MGAT5B: variants seen among roughly 807,000 people sequenced by gnomAD.
The protein encoded by MGAT5B is N-acetylglucosaminyl-transferase Vb.
Under a neutral mutation model 95.1 loss-of-function variants are expected in MGAT5B, and 54 were observed. The observed-to-expected ratio is 0.57, with a 90% CI of 0.46 to 0.71. MGAT5B has a LOEUF of 0.71. Among genes scored for constraint, MGAT5B ranks in the 30% least tolerant of loss-of-function variants. The pLI, the probability that MGAT5B is intolerant of heterozygous loss-of-function variation, is 0.00. For synonymous variants in MGAT5B, 464 were observed against 451.0 expected (o/e 1.03, Z -0.36); for missense variants, 935 against 1,088.6 (o/e 0.86, Z 1.99).
intron 2 of MGAT5B, among the ~76,000 whole-genome samples, chr17:76,878,429 C>T (rs540245620): frequency 2.0e-4 from 30 of 152,242 alleles, no homozygotes; most frequent in South Asian, 8.3e-4. Flanking sequence ...GCATGGTCAT[C>T]GTGAAACCCA....
chr17:76,932,530 G>A (rs941333992), intron 10 of MGAT5B, 115 bp from the exon 11 acceptor site: 7 of 1,216,328 alleles, frequency 5.8e-6, no homozygotes, highest in African/African-American at 4.6e-5. Flanking sequence ...CCTGTGCCCC[G>A]CCCCCTTTCC....
At chr17:76,902,735 G>C in intron 4 of MGAT5B, 65 bp downstream of exon 4, 2 of 821,400 alleles carry the variant, frequency 2.4e-6, no homozygotes, top group Non-Finnish European at 3.9e-6. Context: ...TGCTGGGTGG[G>C]CCCTGGGAGG....
chr17:76,933,366 G>C, intron 12 of MGAT5B, 69 bp downstream of exon 12: 3 of 1,581,604 alleles, frequency 1.9e-6, no homozygotes, highest in Non-Finnish European at 2.6e-6. Context: ...AGCCACTCCA[G>C]GGGTCTCTCC....
chr17:76,913,185 C>T (rs984749615), intron 8 of MGAT5B, among the ~76,000 whole-genome samples: 6 of 152,186 alleles, frequency 3.9e-5, no homozygotes, highest in Admixed American at 2.6e-4. Flanking sequence ...GGGCCAGGTG[C>T]CCAAAGGAAA....
Position 76,904,405 on chromosome 17 carries a change from C to T in MGAT5B, c.673C>T (p.Pro225Ser), listed in dbSNP as rs1276030428. ...GACGGCTGCCCAGAGGGCACCCAAG[C>T]CCCTCCCCAAAGTCCAGGTGGGCCT... Reference protein sequence around the residue: ...NQTAAQRAPKPLPKVQAVFRS... With the variant: ...NQTAAQRAPKSLPKVQAVFRS... Residue 225 changes from proline (P) to serine (S), a missense_variant, in exon 6 of 18, where the codon CCC (proline) becomes TCC (serine). Physicochemically the swap from Pro to Ser is moderately conservative, Grantham distance 74. Coordinates refer to ENST00000569840, the MANE Select transcript of MGAT5B (RefSeq NM_001199172.2). The T allele has an allele frequency of 3.2e-6, 5 of 1,560,760 alleles. No individual in the cohort carries two copies. Among genetic ancestry groups the T allele is most frequent in the Non-Finnish European group, 4.3e-6 (5 of 1,152,710 alleles).
chr17:76,921,095 C>T (rs1969110801), intron 8 of MGAT5B, among the ~76,000 whole-genome samples: 1 of 152,116 alleles, frequency 6.6e-6, no homozygotes, highest in African/African-American at 2.4e-5. Context: ...GTAAGGCTTC[C>T]TGGAGGAGGA....
chr17:76,898,266 A>G (rs1337744404), intron 3 of MGAT5B, among the ~76,000 whole-genome samples: 2 of 152,036 alleles, frequency 1.3e-5, no homozygotes, highest in South Asian at 2.1e-4. Flanking sequence ...CCTGACTTCT[A>G]TCAGCATTAC....
rs1211012444 is a variant in MGAT5B, at chr17:76,948,825, A to C, written c.2366A>C (p.Gln789Pro). The C allele has an allele frequency of 6.3e-7, 1 of 1,599,952 alleles. No individual in the cohort carries two copies. Among genetic ancestry groups the C allele is most frequent in the African/African-American group, 1.3e-5 (1 of 74,700 alleles). ...CGCAAGGGCCAGGTGGCCTTGTGCC[A>C]GGGCTGTCTGTGAATCCGCCTCTGC... ...DFRKGQVALC[Q>P]GCL Residue 789 changes from glutamine (Q) to proline (P), a missense_variant, in exon 18 of 18, where the codon CAG (glutamine) becomes CCG (proline). This residue lies in a region of MGAT5B where 440 missense variants were observed against 523.6 expected (regional missense o/e 0.84). Coordinates refer to ENST00000569840, the MANE Select transcript of MGAT5B (RefSeq NM_001199172.2).
At position 76,940,423 on chromosome 17, in the gene MGAT5B, C is replaced by A; in HGVS notation, c.1606C>A (p.Pro536Thr). The A allele has an allele frequency of 6.2e-7, 1 of 1,610,742 alleles. No individual in the cohort carries two copies. The highest frequency in any genetic ancestry group is 8.5e-7 in the Non-Finnish European group (1 of 1,178,082). ...KAKLFIGFGF[P>T]YEGPAPLEAI... ...GCAGCTCTTCATCGGGTTTGGCTTC[C>A]CCTACGAGGGCCCCGCCCCCCTGGA... The change falls in exon 14 of 18, where the codon CCC becomes ACC. Residue 536 changes from proline (P) to threonine (T), a missense_variant. By Grantham distance (38) the Pro-to-Thr change is conservative. Transcript: ENST00000569840. This position sits in a 1 kb window ranked among gnomAD's most constrained non-coding sequence, Gnocchi z 4.3.
chr17:76,876,307 C>T (rs1308043396), intron 2 of MGAT5B, among the ~76,000 whole-genome samples: 2 of 152,050 alleles, frequency 1.3e-5, no homozygotes, highest in Non-Finnish European at 1.5e-5. Flanking sequence ...AATTGCTTGG[C>T]TGAATCAGGC....
rs1250493593 is a variant in MGAT5B, at chr17:76,904,249, C to T, written c.520-3C>T. The T allele has an allele frequency of 2.5e-6, 4 of 1,604,586 alleles. No individual in the cohort carries two copies. Among genetic ancestry groups the T allele is most frequent in the Non-Finnish European group, 3.4e-6 (4 of 1,176,650 alleles). On this transcript the variant is annotated splice_polypyrimidine_tract_variant and splice_region_variant and intron_variant, in intron 5 of 17. Transcript: ENST00000569840. ...CCCCTGCCCAGCCTGGCCCTCTCTG[C>T]AGTGGATGCGTGCCCGCTGGACCTC...
intron 3 of MGAT5B, 119 bp downstream of exon 3, chr17:76,882,417 G>T: frequency 7.9e-7 from 1 of 1,272,164 alleles, no homozygotes; most frequent in Non-Finnish European, 1.1e-6. Flanking sequence ...ACCACACTGT[G>T]GTACAGCCCA....
rs1248095737 is a variant in MGAT5B, at chr17:76,905,107, C to A, written c.691-62C>A. On this transcript the variant is annotated intron_variant, in intron 6 of 17. Coordinates refer to ENST00000569840, the MANE Select transcript of MGAT5B (RefSeq NM_001199172.2). The surrounding 1 kb of genome is among the most constrained non-coding windows in gnomAD (Gnocchi z 4.2). ...AGGGTGCCAGCCCCTGTCCCCAGGC[C>A]AGCGGGGAATGATGGTGGCCGCAGG... is the stretch of plus-strand genomic sequence containing the variant. 1 of 1,520,152 alleles carries A rather than the reference C, an allele frequency of 6.6e-7. No individual in the cohort carries two copies. The highest frequency in any genetic ancestry group is 8.9e-7 in the Non-Finnish European group (1 of 1,119,528). 94.2% of individuals were successfully genotyped at this position (1,520,152 alleles called of 1,614,324 possible). A position where few individuals can be genotyped will look rare whatever the true frequency, so the allele number is the denominator to read the frequency against.
chr17:76,948,927 GTCC>G lies in MGAT5B; in HGVS notation c.*95_*97del. 1 of 1,384,878 alleles carries G rather than the reference GTCC, an allele frequency of 7.2e-7. No homozygotes were observed. Among genetic ancestry groups the G allele is most frequent in the Non-Finnish European group, 9.7e-7 (1 of 1,030,004 alleles). 85.8% of individuals were successfully genotyped at this position (1,384,878 alleles called of 1,614,324 possible). A position where few individuals can be genotyped will look rare whatever the true frequency, so the allele number is the denominator to read the frequency against. On this transcript the variant is annotated 3_prime_UTR_variant, in exon 18 of 18. Transcript: ENST00000569840. ...AGCAGGTTCTGAGCCCTGGCTGCTT[GTCC>G]TCCTCGCAACCCCCCCAGGCCGGAG...
At chr17:76,913,056 G>C (rs919848265) in intron 8 of MGAT5B, among the ~76,000 whole-genome samples, 13 of 152,250 alleles carry the variant, frequency 8.5e-5, no homozygotes, top group African/African-American at 3.1e-4. Context: ...TAGAAAATTA[G>C]TTGACTTAAC....
intron 11 of MGAT5B, 62 bp from the exon 12 acceptor site, chr17:76,933,230 G>A (rs1296531361): frequency 3.8e-6 from 6 of 1,596,324 alleles, no homozygotes; most frequent in African/African-American, 2.7e-5. Flanking sequence ...TGTTGTCTGC[G>A]AATCATCACT....
At chr17:76,893,911 A>G (rs921159309) in intron 3 of MGAT5B, among the ~76,000 whole-genome samples, 1 of 152,094 alleles carries the variant, frequency 6.6e-6, no homozygotes, top group Non-Finnish European at 1.5e-5. Flanking sequence ...TCCAGGTGAA[A>G]TGGTGCATTC....
At chr17:76,922,312 AC>A (rs1433818793) in intron 8 of MGAT5B, among the ~76,000 whole-genome samples, 1 of 152,074 alleles carries the variant, frequency 6.6e-6, no homozygotes, top group Non-Finnish European at 1.5e-5. Flanking sequence ...AGGAGCAGCC[AC>A]CCCCTTCCTG....
rs749963645 is a variant in MGAT5B at position 76,872,936 on chromosome 17, G to C, written c.154G>C (p.Asp52His). Residue 52 changes from aspartate to histidine, a missense_variant, in exon 2 of 18, where the codon GAC becomes CAC. Physicochemically the swap from Asp to His is moderately conservative, Grantham distance 81. Coordinates refer to ENST00000569840, the MANE Select transcript of MGAT5B (RefSeq NM_001199172.2). ...CCAGTTCTCGGCCCGGCGCCTGGGG[G>C]ACTCGCCATTCACCATCCGCACAGA... ...GGQFSARRLG[D>H]SPFTIRTEVM... The C allele has an allele frequency of 6.2e-7, 1 of 1,613,960 alleles. No homozygotes were observed. The highest frequency in any genetic ancestry group is 1.7e-5 in the Admixed American group (1 of 60,008).
Sources: gnomAD v4.1 joint callset for allele counts (sites outside exome capture counted in the v4.1 genomes callset) on GRCh38, gnomAD v4.1.1 for gene constraint, gnomAD v4.1.1 regional missense constraint, Gnocchi (gnomAD v3.1) non-coding constraint, MANE v1.5 for transcripts, NCBI Gene and HGNC (gene_info 2026-07-23, HGNC 2026-07-21) for gene names.